Variants in CACNA2D3 observed in about 807,000 individuals in gnomAD.
CACNA2D3 encodes voltage-dependent calcium channel subunit alpha-2/delta-3.
Under a neutral mutation model 160.6 loss-of-function variants are expected in CACNA2D3, and 60 were observed. The observed-to-expected ratio is 0.37, with a 90% CI of 0.30 to 0.46. The LOEUF (loss-of-function observed/expected upper bound fraction) is 0.46. CACNA2D3 is among the 20% of genes least tolerant of loss of function. The probability of loss-of-function intolerance (pLI) is 1.00; values close to 1 mark genes in which losing one functional copy is unlikely to be tolerated. For synonymous variants in CACNA2D3, 558 were observed against 492.9 expected (o/e 1.13, Z -1.75); for missense variants, 1,205 against 1,365.0 (o/e 0.88, Z 1.85).
chr3:54,810,924 G>C (rs1039697125), intron 13 of CACNA2D3, among the ~76,000 whole-genome samples: 1 of 152,156 alleles, frequency 6.6e-6, no homozygotes, highest in Non-Finnish European at 1.5e-5. Context: ...CAGGGCCTCA[G>C]ATCTCTTCCT....
At chr3:54,444,104 A>G (rs1575458127) in intron 4 of CACNA2D3, among the ~76,000 whole-genome samples, 2 of 152,212 alleles carry the variant, frequency 1.3e-5, no homozygotes, top group South Asian at 2.1e-4. Flanking sequence ...TTTCCCCCTT[A>G]TCTATTTCCT....
rs1384089132 is a variant in CACNA2D3 at position 55,033,699 on chromosome 3, A to AT, written c.2987+15382_2987+15383insT. Among the ~76,000 whole-genome samples the AT allele has an allele frequency of 2.2e-4, 29 of 130,760 alleles. 4 individuals are homozygous for AT. Among genetic ancestry groups the AT allele is most frequent in the African/African-American group, 6.6e-4 (23 of 34,940 alleles). 85.8% of individuals were successfully genotyped at this position (130,760 alleles called of 152,430 possible). ...TAAATGTGTATATATACCCTTAAAAAATATATATAATATATATTATATATT... is the reference window on the plus strand; with the variant it reads ...TAAATGTGTATATATACCCTTAAAAATATATATATAATATATATTATATATT... On this transcript the variant is annotated intron_variant, in intron 35 of 37. Coordinates refer to ENST00000474759, the MANE Select transcript of CACNA2D3 (RefSeq NM_018398.3).
intron 13 of CACNA2D3, among the ~76,000 whole-genome samples, chr3:54,793,166 A>G (rs569355956): frequency 2.6e-4 from 40 of 152,336 alleles, no homozygotes; most frequent in African/African-American, 9.1e-4. Flanking sequence ...GAAAATGCCA[A>G]CCCATCTCAA....
At chr3:54,404,568 G>C (rs998097890) in intron 4 of CACNA2D3, among the ~76,000 whole-genome samples, 1 of 152,106 alleles carries the variant, frequency 6.6e-6, no homozygotes, top group Non-Finnish European at 1.5e-5. Context: ...TTTAAGATCT[G>C]CTGTAAGGTA....
chr3:54,920,004 C>A (rs571682660), intron 27 of CACNA2D3, among the ~76,000 whole-genome samples: 1 of 152,196 alleles, frequency 6.6e-6, no homozygotes, highest in Non-Finnish European at 1.5e-5. Context: ...TTTGATTGGA[C>A]AGAACTGCCC....
At chr3:54,465,685 G>A (rs1700610562) in intron 4 of CACNA2D3, among the ~76,000 whole-genome samples, 1 of 152,180 alleles carries the variant, frequency 6.6e-6, no homozygotes, top group African/African-American at 2.4e-5. Context: ...AAAGTAATTG[G>A]CATTGAAAGA....
At chr3:54,279,671 C>T (rs1374506165) in intron 2 of CACNA2D3, among the ~76,000 whole-genome samples, 2 of 152,198 alleles carry the variant, frequency 1.3e-5, no homozygotes, top group Admixed American at 6.5e-5. Context: ...TACCTACAGG[C>T]ATGAGTGTCT....
intron 5 of CACNA2D3, among the ~76,000 whole-genome samples, chr3:54,517,886 A>C (rs938339109): frequency 2.6e-5 from 4 of 151,974 alleles, no homozygotes; most frequent in Non-Finnish European, 5.9e-5. Flanking sequence ...CCAGGACCCC[A>C]CTGGGCTGAG....
At chr3:54,523,113 C>T (rs937552817) in intron 5 of CACNA2D3, among the ~76,000 whole-genome samples, 1 of 151,992 alleles carries the variant, frequency 6.6e-6, no homozygotes, top group Admixed American at 6.6e-5. Context: ...TAATTCTTTT[C>T]TTGTTCCTGA....
At chr3:54,717,251 C>T (rs1462138041) in intron 11 of CACNA2D3, among the ~76,000 whole-genome samples, 1 of 152,110 alleles carries the variant, frequency 6.6e-6, no homozygotes, top group Non-Finnish European at 1.5e-5. Flanking sequence ...AGACTCTTTC[C>T]AGTTTTAGCT....
chr3:54,975,809 T>A (rs569771021), intron 29 of CACNA2D3, among the ~76,000 whole-genome samples: 1 of 152,226 alleles, frequency 6.6e-6, no homozygotes, highest in Admixed American at 6.5e-5. Context: ...AGATATTAGC[T>A]CAAGAATTGC....
chr3:54,703,218 C>T (rs1423264276), intron 11 of CACNA2D3, among the ~76,000 whole-genome samples: 1 of 151,658 alleles, frequency 6.6e-6, no homozygotes, highest in Admixed American at 6.6e-5. Context: ...ACATGTACCC[C>T]CTGAACTTAA....
chr3:54,841,944 C>A (rs768657999), intron 16 of CACNA2D3, among the ~76,000 whole-genome samples: 1 of 152,176 alleles, frequency 6.6e-6, no homozygotes, highest in Non-Finnish European at 1.5e-5. Context: ...GGCCTTGTGT[C>A]CGATCTGTTC....
intron 16 of CACNA2D3, among the ~76,000 whole-genome samples, chr3:54,842,660 G>C (rs1376894706): frequency 2.7e-5 from 4 of 150,398 alleles, no homozygotes; most frequent in Non-Finnish European, 5.9e-5. Context: ...GAGTACCGTG[G>C]CACGATCTTG....
intron 29 of CACNA2D3, among the ~76,000 whole-genome samples, chr3:54,978,681 T>TA (rs1559453405): frequency 6.6e-6 from 1 of 152,184 alleles, no homozygotes; most frequent in Non-Finnish European, 1.5e-5. Context: ...ACCAAGCTGA[T>TA]ATGAGGTTGC....
intron 9 of CACNA2D3, among the ~76,000 whole-genome samples, chr3:54,608,398 C>T (rs1698681357): frequency 6.6e-6 from 1 of 152,174 alleles, no homozygotes; most frequent in Non-Finnish European, 1.5e-5. Flanking sequence ...TGCTAGTTTC[C>T]AGCCCTTTGC....
At chr3:54,123,036 G>GGT (rs1370010119) in intron 1 of CACNA2D3, among the ~76,000 whole-genome samples, 2 of 152,186 alleles carry the variant, frequency 1.3e-5, no homozygotes, top group African/African-American at 4.8e-5. Context: ...AGGTTGCCGA[G>GGT]TGAGATCTGG....
intron 2 of CACNA2D3, among the ~76,000 whole-genome samples, chr3:54,314,955 C>G (rs1273876877): frequency 4.6e-5 from 7 of 152,054 alleles, no homozygotes; most frequent in South Asian, 2.1e-4. Context: ...GTAATACTTT[C>G]TTAACTCCTT....
chr3:54,654,569 A>G (rs965622131), intron 11 of CACNA2D3, among the ~76,000 whole-genome samples: 1 of 152,082 alleles, frequency 6.6e-6, no homozygotes, highest in Admixed American at 6.6e-5. Flanking sequence ...GGGCAGAGGA[A>G]AGAAAGAGGT....
Sources: gnomAD v4.1 joint callset for allele counts (sites outside exome capture counted in the v4.1 genomes callset) on GRCh38, gnomAD v4.1.1 for gene constraint, MANE v1.5 for transcripts, NCBI Gene and HGNC (gene_info 2026-07-23, HGNC 2026-07-21) for gene names.